Variants in AMPH observed in about 807,000 individuals in gnomAD.
AMPH encodes amphiphysin (Stiff-Mann syndrome with breast cancer 128kD autoantigen).
A neutral mutation model predicts 99.1 loss-of-function variants in AMPH; 49 were observed. The ratio of observed to expected loss-of-function variants is 0.49; its 90% CI spans 0.39 to 0.63. The LOEUF is 0.63. AMPH is among the 20% of genes least tolerant of loss of function. The probability of loss-of-function intolerance (pLI) is 0.00; values close to 1 mark genes in which losing one functional copy is unlikely to be tolerated. For synonymous variants in AMPH, 314 were observed against 317.3 expected (o/e 0.99, Z 0.11); for missense variants, 759 against 863.4 (o/e 0.88, Z 1.52).
chr7:38,628,323 T>C (rs1171927863), intron 1 of AMPH, among the ~76,000 whole-genome samples: 2 of 152,214 alleles, frequency 1.3e-5, no homozygotes, highest in South Asian at 2.1e-4. Flanking sequence ...AGAATGTAAA[T>C]TGGTACACCT....
chr7:38,438,180 C>T (rs1786363685), intron 11 of AMPH, among the ~76,000 whole-genome samples: 2 of 152,202 alleles, frequency 1.3e-5, no homozygotes, highest in Non-Finnish European at 2.9e-5. Flanking sequence ...CACATATGAA[C>T]ATTACCTCAT....
intron 5 of AMPH, 29 bp downstream of exon 5, chr7:38,491,021 C>T: frequency 6.8e-7 from 1 of 1,473,828 alleles, no homozygotes; most frequent in Non-Finnish European, 9.5e-7. Context: ...CCACTCAATC[C>T]TTCCCTTTAT....
At chr7:38,629,026 A>G (rs1439092232) in intron 1 of AMPH, among the ~76,000 whole-genome samples, 2 of 152,204 alleles carry the variant, frequency 1.3e-5, no homozygotes, top group Admixed American at 1.3e-4. Context: ...AACAAGAAGC[A>G]AAGGGTCTCA....
At chr7:38,614,856 T>C (rs1793821162) in intron 1 of AMPH, among the ~76,000 whole-genome samples, 1 of 152,152 alleles carries the variant, frequency 6.6e-6, no homozygotes, top group Non-Finnish European at 1.5e-5. Flanking sequence ...GAGCTGATTA[T>C]CACATCAGTT....
chr7:38,480,058 G>GA (rs57895829), intron 5 of AMPH, among the ~76,000 whole-genome samples: 24,702 of 146,662 alleles, frequency 0.17, 2,185 homozygotes, highest in Middle Eastern at 0.26. Context: ...GTAGGAAAAA[G>GA]AAAAAAAAAA....
At chr7:38,548,848 GC>G (rs1281508821) in intron 1 of AMPH, among the ~76,000 whole-genome samples, 2 of 152,338 alleles carry the variant, frequency 1.3e-5, no homozygotes, top group African/African-American at 4.8e-5. Flanking sequence ...CAAGCTGGCT[GC>G]CTCACCCTAA....
At chr7:38,602,899 A>T (rs1444811946) in intron 1 of AMPH, among the ~76,000 whole-genome samples, 1 of 152,140 alleles carries the variant, frequency 6.6e-6, no homozygotes, top group African/African-American at 2.4e-5. Flanking sequence ...ATTCTCCAAA[A>T]TTACTGGTGT....
intron 1 of AMPH, among the ~76,000 whole-genome samples, chr7:38,561,723 G>T (rs942650426): frequency 3.3e-5 from 5 of 152,118 alleles, no homozygotes; most frequent in African/African-American, 9.7e-5. Flanking sequence ...TGGGGCCTCT[G>T]GGAGGCAAAT....
chr7:38,389,989 T>C, intron 19 of AMPH, 84 bp from the exon 20 acceptor site: 1 of 1,064,408 alleles, frequency 9.4e-7, no homozygotes, highest in Non-Finnish European at 1.4e-6. Flanking sequence ...CCAACCTGGA[T>C]GAAAAGAGGA....
chr7:38,456,674 G>A (rs570575887), intron 11 of AMPH, among the ~76,000 whole-genome samples: 6 of 152,148 alleles, frequency 3.9e-5, no homozygotes, highest in Middle Eastern at 3.2e-3. Context: ...CTCCACCACC[G>A]CTACTGACAT....
At chr7:38,575,518 ATAGT>A (rs1451603599) in intron 1 of AMPH, among the ~76,000 whole-genome samples, 3 of 152,118 alleles carry the variant, frequency 2.0e-5, no homozygotes, top group Admixed American at 2.0e-4. Context: ...TATTCTCATG[ATAGT>A]TAGTGAGTTC....
chr7:38,555,678 C>A (rs10256835), intron 1 of AMPH, among the ~76,000 whole-genome samples: 25,696 of 152,120 alleles, frequency 0.17, 2,842 homozygotes, highest in Non-Finnish European at 0.25. Context: ...GTGAAAAATT[C>A]TGTATGATAA....
At chr7:38,493,098 TAAG>T (rs1466417275) in intron 4 of AMPH, among the ~76,000 whole-genome samples, 1 of 152,210 alleles carries the variant, frequency 6.6e-6, no homozygotes, top group Non-Finnish European at 1.5e-5. Flanking sequence ...ATCTCAGTTA[TAAG>T]AAGATTATGA....
At chr7:38,552,550 C>T (rs1791216749) in intron 1 of AMPH, among the ~76,000 whole-genome samples, 1 of 152,182 alleles carries the variant, frequency 6.6e-6, no homozygotes. Flanking sequence ...CTCTGTGAGC[C>T]TCCTTTCCTC....
chr7:38,396,743 T>C (rs1001932964), intron 17 of AMPH, among the ~76,000 whole-genome samples: 3 of 152,242 alleles, frequency 2.0e-5, no homozygotes, highest in Admixed American at 1.3e-4. Context: ...GATGCTATTG[T>C]TACTGTTGTC....
At chr7:38,462,811 G>T (rs1787501079) in intron 10 of AMPH, among the ~76,000 whole-genome samples, 164 bp downstream of exon 10, 1 of 152,160 alleles carries the variant, frequency 6.6e-6, no homozygotes, top group South Asian at 2.1e-4. Context: ...AATAAGAAAA[G>T]CAGGTGGATA....
At chr7:38,530,159 T>G (rs1790340829) in intron 2 of AMPH, among the ~76,000 whole-genome samples, 1 of 152,234 alleles carries the variant, frequency 6.6e-6, no homozygotes, top group African/African-American at 2.4e-5. Context: ...TAAGTTTACT[T>G]GCAAAGCACT....
At chr7:38,394,236 G>T (rs1424887139) in intron 17 of AMPH, 22 bp from the exon 18 acceptor site, 1 of 1,612,556 alleles carries the variant, frequency 6.2e-7, no homozygotes, top group South Asian at 1.1e-5. Context: ...AAACCAGCAG[G>T]CCACGTCTGC....
At chr7:38,626,869 C>T (rs1480011469) in intron 1 of AMPH, among the ~76,000 whole-genome samples, 2 of 149,482 alleles carry the variant, frequency 1.3e-5, no homozygotes, top group African/African-American at 5.0e-5. Flanking sequence ...GAAGGATATA[C>T]AGTTTTTCAT....
Sources: gnomAD v4.1 joint callset for allele counts (sites outside exome capture counted in the v4.1 genomes callset) on GRCh38, gnomAD v4.1.1 for gene constraint, MANE v1.5 for transcripts, NCBI Gene and HGNC (gene_info 2026-07-23, HGNC 2026-07-21) for gene names.